The following ERBB2 variants were observed in gnomAD, a reference collection of about 807,000 sequenced individuals.
ERBB2 encodes the protein receptor tyrosine-protein kinase erbB-2.
In ERBB2, 61 loss-of-function variants were observed where a neutral mutation model predicts 149.0. That is an observed-to-expected ratio of 0.41 (90% CI 0.33 to 0.51). The LOEUF (loss-of-function observed/expected upper bound fraction) is 0.51. Ranked by LOEUF, ERBB2 falls within the 20% of genes least tolerant of loss-of-function variation. ERBB2 has a pLI of 0.25. For synonymous variants in ERBB2, 633 were observed against 678.8 expected, an observed-to-expected ratio of 0.93 and a Z score of 1.05; for missense variants, 1,205 against 1,655.1, an observed-to-expected ratio of 0.73 and a Z score of 4.72.
At chr17:39,714,397 G>T (rs1370093004) in intron 9 of ERBB2, among the ~76,000 whole-genome samples, 1 of 152,210 alleles carries the variant, frequency 6.6e-6, no homozygotes, top group Non-Finnish European at 1.5e-5. Context: ...TTGAAACCCG[G>T]CTCTACCACT....
At position 39,716,613 on chromosome 17, in the gene ERBB2, G is replaced by C. The variant is rs372308772; in HGVS notation, c.1737+8G>C. 3 of 1,613,302 alleles carry C rather than the reference G, an allele frequency of 1.9e-6. No homozygotes were observed. The highest frequency in any genetic ancestry group is 1.7e-6 in the Non-Finnish European group (2 of 1,179,636). ...GTGACCTGTTTTGGACCGGTGAGCT[G>C]CTGGCGGGCTCAGAGCTGGGTGGAG... On this transcript the variant is annotated splice_region_variant and intron_variant, in intron 14 of 26. Coordinates refer to ENST00000269571, the MANE Select transcript of ERBB2 (RefSeq NM_004448.4).
chr17:39,716,949 A>G, intron 14 of ERBB2: 1 of 459,874 alleles, frequency 2.2e-6, no homozygotes, highest in Non-Finnish European at 4.0e-6. Flanking sequence ...GGGTATTGTA[A>G]TAATACCTAC....
At chr17:39,706,953 G>A (rs933326087) in intron 1 of ERBB2, 37 bp from the exon 2 acceptor site, 16 of 1,482,682 alleles carry the variant, frequency 1.1e-5, no homozygotes, top group African/African-American at 2.8e-5. Flanking sequence ...AAGGTCCCCC[G>A]CCAGTGTCCT....
upstream of ERBB2, chr17:39,688,109 C>T (rs2057601655): frequency 8.6e-7 from 1 of 1,157,336 alleles, no homozygotes; most frequent in Non-Finnish European, 1.1e-6. Context: ...TTATTCTACT[C>T]TCCGCTGAAG....
intron 1 of ERBB2, among the ~76,000 whole-genome samples, chr17:39,701,405 A>G (rs925920326): frequency 3.0e-4 from 46 of 152,080 alleles, no homozygotes; most frequent in African/African-American, 1.1e-3. Flanking sequence ...GCGACCCCCA[A>G]CCATGCATTC....
Position 39,728,051 on chromosome 17 carries a change from A to C in ERBB2, c.*7A>C, listed in dbSNP as rs759138887. Reference sequence around the variant, plus strand: ...TCTGGACGTGCCAGTGTGAACCAGAAGGCCAAGTCCGCAGAAGCCCTGATG... The same window carrying C: ...TCTGGACGTGCCAGTGTGAACCAGACGGCCAAGTCCGCAGAAGCCCTGATG... On this transcript the variant is annotated 3_prime_UTR_variant, in exon 27 of 27. Transcript: ENST00000269571. 1.9e-6 allele frequency: 3 copies of C among 1,563,668 alleles called. No homozygotes were observed. In the East Asian group the frequency reaches 6.8e-5, roughly 35 times the overall value.
At position 39,726,319 on chromosome 17, in the gene ERBB2, C is replaced by A; in HGVS notation, c.2873-243C>A. The stretch of plus-strand genomic sequence containing the variant: ...CTGAAATCCAGCCTGGGTGACAGAG[C>A]GAAACCTCATCTCAAAAAAATAAAA... On this transcript the variant is annotated intron_variant, in intron 23 of 26. Transcript: ENST00000269571. This position sits in a 1 kb window ranked among gnomAD's most constrained non-coding sequence, Gnocchi z 5.1. The A allele has an allele frequency of 1.9e-6, 1 of 525,854 alleles. No homozygotes were observed. The highest frequency in any genetic ancestry group is 3.4e-6 in the Non-Finnish European group (1 of 292,528). The allele number at this position is 525,854 out of a possible 1,614,324, so 32.6% of individuals were successfully genotyped here. A position where few individuals can be genotyped will look rare whatever the true frequency, so the allele number is the denominator to read the frequency against.
upstream of ERBB2, among the ~76,000 whole-genome samples, chr17:39,692,736 G>A (rs116423875): frequency 6.6e-6 from 1 of 152,136 alleles, no homozygotes; most frequent in South Asian, 2.1e-4. Flanking sequence ...ACCTTTAAAA[G>A]TGTGTACCGT....
Position 39,724,714 on chromosome 17 carries a change from C to T in ERBB2, c.2308-12C>T, listed in dbSNP as rs2145846153. On this transcript the variant is annotated splice_polypyrimidine_tract_variant and intron_variant, in intron 19 of 26. Coordinates refer to ENST00000269571, the MANE Select transcript of ERBB2 (RefSeq NM_004448.4). ...GGTCTCCCATACCCTCTCAGCGTAC[C>T]CTTGTCCCCAGGAAGCATACGTGAT... The T allele has an allele frequency of 6.2e-7, 1 of 1,613,480 alleles. No individual in the cohort carries two copies. Among genetic ancestry groups the T allele is most frequent in the East Asian group, 2.2e-5 (1 of 44,872 alleles).
chr17:39,695,704 T>TACAC (rs56249643), upstream of ERBB2, among the ~76,000 whole-genome samples: 11,963 of 96,470 alleles, frequency 0.12, 1,330 homozygotes, highest in Non-Finnish European at 0.15. Flanking sequence ...GGTGCATGCA[T>TACAC]ACACACACAC....
intron 6 of ERBB2, 35 bp downstream of exon 6, chr17:39,710,236 C>A (rs754564781): frequency 6.2e-7 from 1 of 1,607,188 alleles, no homozygotes. Flanking sequence ...ATGTGCTCTA[C>A]CCCCCAGGAT....
At chr17:39,694,288 T>TACAC (rs1248015899), upstream of ERBB2, among the ~76,000 whole-genome samples, 86 of 60,730 alleles carry the variant, frequency 1.4e-3, 9 homozygotes, top group South Asian at 0.048. Context: ...TATATATATA[T>TACAC]ACACATATAT....
rs761066479 is a variant in ERBB2 at position 39,715,389 on chromosome 17, AG to A, written c.1222+34del. On this transcript the variant is annotated intron_variant, in intron 10 of 26. Transcript: ENST00000269571. The stretch of plus-strand genomic sequence containing the variant: ...GCTCTGTCTCTGCATCCTGTTCTGC[AG>A]GGGCTGGGAGTCCTTGTCCTGTCCC... 4.1e-4 allele frequency: 667 copies of A among 1,613,600 alleles called. 2 individuals are homozygous for A. The highest frequency in any genetic ancestry group is 1.9e-3 in the South Asian group (173 of 91,078).
At chr17:39,698,564 C>A (rs2057928371), upstream of ERBB2, among the ~76,000 whole-genome samples, 1 of 152,098 alleles carries the variant, frequency 6.6e-6, no homozygotes, top group Non-Finnish European at 1.5e-5. Flanking sequence ...TGGCCAGATT[C>A]AAGATTTGAA....
In ERBB2 at chr17:39,725,864, G is replaced by C. The variant is rs2143080839; in HGVS notation, c.2872+11G>C. On this transcript the variant is annotated intron_variant, in intron 23 of 26. Transcript: ENST00000269571. The surrounding 1 kb of genome is among the most constrained non-coding windows in gnomAD (Gnocchi z 4.6). ...TGATCATGGTCAAATGTGCGTGGCT[G>C]AGCTGTGCTGGCTGCCTGGAGGAGG... 6.2e-7 allele frequency: 1 copy of C among 1,613,168 alleles called. No individual in the cohort carries two copies. Among genetic ancestry groups the C allele is most frequent in the Non-Finnish European group, 8.5e-7 (1 of 1,179,676 alleles).
intron 14 of ERBB2, 54 bp downstream of exon 14, chr17:39,716,659 C>T (rs2145693269): frequency 6.6e-7 from 1 of 1,511,898 alleles, no homozygotes; most frequent in Non-Finnish European, 9.2e-7. Context: ...AGGGGGATTG[C>T]CAGGGACTTG....
upstream of ERBB2, among the ~76,000 whole-genome samples, chr17:39,691,890 T>TATAG (rs1567886142): frequency 1.5e-5 from 2 of 132,882 alleles, no homozygotes; most frequent in African/African-American, 5.8e-5. Flanking sequence ...TAGATATAGA[T>TATAG]ATAGATATAG....
Position 39,715,577 on chromosome 17 carries a change from C to G in ERBB2, c.1313+41C>G, listed in dbSNP as rs376399983. On this transcript the variant is annotated intron_variant, in intron 11 of 26. Coordinates refer to ENST00000269571, the MANE Select transcript of ERBB2 (RefSeq NM_004448.4). ...GAGGGGGCCTGATGGGGAGGAGTCCCAGGGAGGAGTCCCTGTGGGAAGCTT... is the reference window on the plus strand; with the variant it reads ...GAGGGGGCCTGATGGGGAGGAGTCCGAGGGAGGAGTCCCTGTGGGAAGCTT... 5.3e-5 allele frequency: 85 copies of G among 1,591,222 alleles called. 1 individual carries two copies. Among genetic ancestry groups the G allele is most frequent in the Middle Eastern group, 1.7e-4 (1 of 6,030 alleles).
At chr17:39,706,257 T>C (rs1184343489) in intron 1 of ERBB2, among the ~76,000 whole-genome samples, 1 of 152,060 alleles carries the variant, frequency 6.6e-6, no homozygotes, top group East Asian at 1.9e-4. Flanking sequence ...GGTTCTGGAG[T>C]CTTGCCCTGA....
Sources: gnomAD v4.1 joint callset for allele counts (sites outside exome capture counted in the v4.1 genomes callset) on GRCh38, gnomAD v4.1.1 for gene constraint, Gnocchi (gnomAD v3.1) non-coding constraint, MANE v1.5 for transcripts, NCBI Gene and HGNC (gene_info 2026-07-23, HGNC 2026-07-21) for gene names.